The following ZNF587 variants were observed in gnomAD, a reference collection of about 807,000 sequenced individuals.
The protein encoded by ZNF587 is zinc finger protein 587, also known as zinc finger protein zfp6.
Under a neutral mutation model 7.5 loss-of-function variants are expected in ZNF587, and 8 were observed. The ratio of observed to expected loss-of-function variants is 1.06; its 90% confidence interval spans 0.62 to 1.92. The LOEUF is 1.92. Ranked by LOEUF, ZNF587 falls within the 40% of genes most tolerant of loss-of-function variation. The pLI, the probability that ZNF587 is intolerant of heterozygous loss-of-function variation, is 0.00. For synonymous variants in ZNF587, 145 were observed against 237.8 expected, an observed-to-expected ratio of 0.61 and a Z score of 3.59; for missense variants, 468 against 692.8, an observed-to-expected ratio of 0.68 and a Z score of 3.64.
In ZNF587 at chr19:57,860,052, C is replaced by T. The variant is rs1244333365; in HGVS notation, c.1640C>T (p.Pro547Leu). Residue 547 changes from proline (P) to leucine (L), a missense_variant, in exon 3 of 3, where the codon CCT (proline) becomes CTT (leucine). Transcript: ENST00000339656. The stretch of plus-strand genomic sequence containing the variant: ...AGGAGAATTCACACTGGAGAAAGGC[C>T]TTATGAATGCACCAAATGTGGAAAA... Reference protein sequence around the residue: ...KHRRIHTGERPYECTKCGKTF... With the variant: ...KHRRIHTGERLYECTKCGKTF... 3 of 1,613,478 alleles carry T rather than the reference C, an allele frequency of 1.9e-6. No individual in the cohort carries two copies. Among genetic ancestry groups the T allele is most frequent in the Admixed American group, 1.7e-5 (1 of 59,978 alleles).
rs139722432 is a variant in ZNF587 at position 57,859,531 on chromosome 19, T to A, written c.1119T>A (p.Val373=). Residue 373 remains valine, a synonymous_variant, in exon 3 of 3, where the codon GTT becomes GTA. Coordinates refer to ENST00000339656, the MANE Select transcript of ZNF587 (RefSeq NM_032828.4). ...TCTGCTTTATTAACCATCAGCGTGT[T>A]CACACTGGAGAAAGGCCTTACAAGT... ...QKFCFINHQR[V]HTGERPYKCG... 2.4e-4 allele frequency: 385 copies of A among 1,613,832 alleles called. No homozygotes were observed. The highest frequency in any genetic ancestry group is 2.6e-4 in the Non-Finnish European group (305 of 1,180,006).
intron 1 of ZNF587, among the ~76,000 whole-genome samples, chr19:57,855,177 C>G (rs1007059396): frequency 6.6e-6 from 1 of 151,082 alleles, no homozygotes; most frequent in African/African-American, 2.4e-5. Flanking sequence ...CAGCAAGACT[C>G]CGTCTCAAAA....
intron 1 of ZNF587, chr19:57,853,746 G>A (rs1276360711): frequency 2.7e-5 from 4 of 149,400 alleles, no homozygotes; most frequent in African/African-American, 7.5e-5. Context: ...TGCCAAAGTT[G>A]TAACTTTTTT....
chr19:57,859,805 G>A lies in ZNF587; in HGVS notation c.1393G>A (p.Ala465Thr), dbSNP rs763910686. ...AGTTCACACTGGAGAAAGGCCATAT[G>A]CGTGTGAGGTATGTGGGAAATTATT... ...ERVHTGERPYACEVCGKLFGN... is the reference protein window; with the variant it reads ...ERVHTGERPYTCEVCGKLFGN... Residue 465 changes from alanine (A) to threonine (T), a missense_variant, in exon 3 of 3, where the codon GCG (alanine) becomes ACG (threonine). Transcript: ENST00000339656. 1.4e-5 allele frequency: 23 copies of A among 1,614,112 alleles called. No individual in the cohort carries two copies. Among genetic ancestry groups the A allele is most frequent in the Non-Finnish European group, 1.9e-5 (23 of 1,180,006 alleles).
In ZNF587 at chr19:57,859,705, T is replaced by G; in HGVS notation, c.1293T>G (p.Thr431=). The change falls in exon 3 of 3, where the codon ACT becomes ACG. Residue 431 remains threonine, a synonymous_variant. Coordinates refer to ENST00000339656, the MANE Select transcript of ZNF587 (RefSeq NM_032828.4). ...SHLTEHQRLH[T]GERPYNCREC... ...TCACTGAACACCAGAGACTTCACAC[T>G]GGGGAAAGACCTTACAATTGTAGGG... 6.2e-7 allele frequency: 1 copy of G among 1,613,812 alleles called. No individual in the cohort carries two copies. Among genetic ancestry groups the G allele is most frequent in the Middle Eastern group, 1.7e-4 (1 of 6,060 alleles).
At chr19:57,855,064 G>T (rs965522873) in intron 1 of ZNF587, among the ~76,000 whole-genome samples, 17 of 151,820 alleles carry the variant, frequency 1.1e-4, no homozygotes, top group African/African-American at 4.1e-4. Context: ...GGCACCTGTA[G>T]TCCCAGCTAC....
rs188206287 is a variant in ZNF587 at position 57,856,816 on chromosome 19, C to T, written c.163+583C>T. On this transcript the variant is annotated intron_variant, in intron 2 of 2. Coordinates refer to ENST00000339656, the MANE Select transcript of ZNF587 (RefSeq NM_032828.4). The stretch of plus-strand genomic sequence containing the variant: ...CACCTTAATGTATCCACTTTGCCTG[C>T]CTCTGGCTGTCAGGTGACTGTCCAA... Among the ~76,000 whole-genome samples the T allele has an allele frequency of 5.3e-3, 799 of 152,118 alleles. 21 individuals are homozygous for T. Among genetic ancestry groups the T allele is most frequent in the African/African-American group, 0.019 (768 of 41,380 alleles).
In ZNF587 at chr19:57,859,755, A is replaced by G; in HGVS notation, c.1343A>G (p.Lys448Arg). The G allele has an allele frequency of 2.5e-6, 4 of 1,613,854 alleles. No individual in the cohort carries two copies. The highest frequency in any genetic ancestry group is 3.4e-6 in the Non-Finnish European group (4 of 1,179,950). The stretch of plus-strand genomic sequence containing the variant: ...GAATGTGGGAAATTATTTAACAGGA[A>G]GTATCATCTTCTGGTTCATGAGAGA... ...CRECGKLFNR[K>R]YHLLVHERVH... Residue 448 changes from lysine (K) to arginine (R), a missense_variant, in exon 3 of 3, where the codon AAG (lysine) becomes AGG (arginine). By Grantham distance (26) the Lys-to-Arg change is conservative. Around this residue, in one of 5 missense-constraint regions of ZNF587, gnomAD observed 310 missense variants for 325.6 expected, o/e 0.95. Coordinates refer to ENST00000339656, the MANE Select transcript of ZNF587 (RefSeq NM_032828.4).
Position 57,860,338 on chromosome 19 carries a change from G to C in ZNF587, c.*198G>C. The C allele has an allele frequency of 9.6e-7, 1 of 1,043,226 alleles. No individual in the cohort carries two copies. Among genetic ancestry groups the C allele is most frequent in the Non-Finnish European group, 1.4e-6 (1 of 727,290 alleles). 64.6% of individuals were successfully genotyped at this position (1,043,226 alleles called of 1,614,324 possible). A position where few individuals can be genotyped will look rare whatever the true frequency, so the allele number is the denominator to read the frequency against. On this transcript the variant is annotated 3_prime_UTR_variant, in exon 3 of 3. Coordinates refer to ENST00000339656, the MANE Select transcript of ZNF587 (RefSeq NM_032828.4). The stretch of plus-strand genomic sequence containing the variant: ...GGCTGGAGTGCAGTGGTGCAGTCTT[G>C]GCTCGCTGCAACTTGGGCCTCCTGG...
In ZNF587 at chr19:57,862,344, A is replaced by T. The variant is rs1409901885; in HGVS notation, c.*2204A>T. ...TTATCCAAGTTCTAGGATAGCCATGAGCTCCAATTATCTCAGAGCTCTGAG... is the reference window on the plus strand; with the variant it reads ...TTATCCAAGTTCTAGGATAGCCATGTGCTCCAATTATCTCAGAGCTCTGAG... On this transcript the variant is annotated 3_prime_UTR_variant, in exon 3 of 3. Coordinates refer to ENST00000339656, the MANE Select transcript of ZNF587 (RefSeq NM_032828.4). 6.6e-6 allele frequency: 1 copy of T among 152,206 alleles called. No homozygotes were observed. The highest frequency in any genetic ancestry group is 1.5e-5 in the Non-Finnish European group (1 of 68,030). The allele number at this position is 152,206 out of a possible 1,614,324, so 9.4% of individuals were successfully genotyped here. A position where few individuals can be genotyped will look rare whatever the true frequency, so the allele number is the denominator to read the frequency against.
rs2071432784 is a variant in ZNF587 at position 57,861,602 on chromosome 19, A to G, written c.*1462A>G. On this transcript the variant is annotated 3_prime_UTR_variant, in exon 3 of 3. Transcript: ENST00000339656. ...CCTAGGCTCCAAAAGTGCTTGGTCTACAGGGGTGAGGCACCCTGCCTGGCC... is the reference window on the plus strand; with the variant it reads ...CCTAGGCTCCAAAAGTGCTTGGTCTGCAGGGGTGAGGCACCCTGCCTGGCC... 6.6e-6 allele frequency: 1 copy of G among 152,182 alleles called. No individual in the cohort carries two copies. Among genetic ancestry groups the G allele is most frequent in the East Asian group, 1.9e-4 (1 of 5,202 alleles). The allele number at this position is 152,182 out of a possible 1,614,324, so 9.4% of individuals were successfully genotyped here. A position where few individuals can be genotyped will look rare whatever the true frequency, so the allele number is the denominator to read the frequency against.
chr19:57,858,329 G>A (rs2071391616), intron 2 of ZNF587: 1 of 614,370 alleles, frequency 1.6e-6, no homozygotes, highest in African/African-American at 1.9e-5. Flanking sequence ...GTTTCACCAT[G>A]TTGTTCATGC....
chr19:57,855,989 C>G, intron 1 of ZNF587, 115 bp from the exon 2 acceptor site: 1 of 1,530,032 alleles, frequency 6.5e-7, no homozygotes, highest in Non-Finnish European at 8.8e-7. Context: ...GATGTGGTTT[C>G]AACTCCGTGT....
Position 57,864,759 on chromosome 19 carries a change from A to G in ZNF587, c.*4619A>G, listed in dbSNP as rs2071485717. On this transcript the variant is annotated 3_prime_UTR_variant, in exon 3 of 3. Transcript: ENST00000339656. ...ATTATGACCACACACACTGAAGAGT[A>G]TGTTTGTCTCTTGTGGTGTAAATTT... The G allele has an allele frequency of 6.6e-6, 1 of 152,282 alleles. No homozygotes were observed. The highest frequency in any genetic ancestry group is 6.5e-5 in the Admixed American group (1 of 15,288). The allele number at this position is 152,282 out of a possible 1,614,324, so 9.4% of individuals were successfully genotyped here.
Position 57,859,557 on chromosome 19 carries a change from G to A in ZNF587, c.1145G>A (p.Cys382Tyr), listed in dbSNP as rs1445870497. Residue 382 changes from cysteine to tyrosine, a missense_variant, in exon 3 of 3, where the codon TGT (cysteine) becomes TAT (tyrosine). By Grantham distance (194) the Cys-to-Tyr change is radical (BLOSUM62 -2). Coordinates refer to ENST00000339656, the MANE Select transcript of ZNF587 (RefSeq NM_032828.4). ...RVHTGERPYK[C>Y]GECGKSFGQK... ...CACACTGGAGAAAGGCCTTACAAGT[G>A]TGGAGAATGTGGGAAATCTTTTGGT... The A allele has an allele frequency of 6.2e-7, 1 of 1,614,028 alleles. No homozygotes were observed. Among genetic ancestry groups the A allele is most frequent in the Non-Finnish European group, 8.5e-7 (1 of 1,179,962 alleles).
At chr19:57,854,902 C>G (rs2071332016) in intron 1 of ZNF587, among the ~76,000 whole-genome samples, 1 of 150,932 alleles carries the variant, frequency 6.6e-6, no homozygotes, top group Admixed American at 6.6e-5. Flanking sequence ...ACAGGCCAGG[C>G]ATGGTGGCTC....
Position 57,863,377 on chromosome 19 carries a change from A to T in ZNF587, c.*3237A>T. 1 of 152,252 alleles carries T rather than the reference A, an allele frequency of 6.6e-6. No individual in the cohort carries two copies. The highest frequency in any genetic ancestry group is 1.9e-4 in the East Asian group (1 of 5,164). The allele number at this position is 152,252 out of a possible 1,614,324, so 9.4% of individuals were successfully genotyped here. A position where few individuals can be genotyped will look rare whatever the true frequency, so the allele number is the denominator to read the frequency against. ...GTGATCCACCCACCTCGGCCTCCCA[A>T]AGTGCTGGAATTACAGGCGTGAGCC... is the stretch of plus-strand genomic sequence containing the variant. On this transcript the variant is annotated 3_prime_UTR_variant, in exon 3 of 3. Coordinates refer to ENST00000339656, the MANE Select transcript of ZNF587 (RefSeq NM_032828.4).
intron 1 of ZNF587, chr19:57,852,076 T>C (rs957334884): frequency 1.2e-4 from 40 of 344,802 alleles, no homozygotes; most frequent in East Asian, 3.4e-4. Flanking sequence ...GGTGTTCCAT[T>C]CCCTCATTGG....
Position 57,860,339 on chromosome 19 carries a change from G to C in ZNF587, c.*199G>C. ...GCTGGAGTGCAGTGGTGCAGTCTTGGCTCGCTGCAACTTGGGCCTCCTGGG... is the reference window on the plus strand; with the variant it reads ...GCTGGAGTGCAGTGGTGCAGTCTTGCCTCGCTGCAACTTGGGCCTCCTGGG... On this transcript the variant is annotated 3_prime_UTR_variant, in exon 3 of 3. Transcript: ENST00000339656. 2 of 1,028,562 alleles carry C rather than the reference G, an allele frequency of 1.9e-6. No homozygotes were observed. The highest frequency in any genetic ancestry group is 2.8e-6 in the Non-Finnish European group (2 of 714,672). The allele number at this position is 1,028,562 out of a possible 1,614,324, so 63.7% of individuals were successfully genotyped here. A position where few individuals can be genotyped will look rare whatever the true frequency, so the allele number is the denominator to read the frequency against.
Sources: gnomAD v4.1 joint callset for allele counts (sites outside exome capture counted in the v4.1 genomes callset) on GRCh38, gnomAD v4.1.1 for gene constraint, gnomAD v4.1.1 regional missense constraint, MANE v1.5 for transcripts, NCBI Gene and HGNC (gene_info 2026-07-23, HGNC 2026-07-21) for gene names.